FBLN7: variants seen among roughly 807,000 people sequenced by gnomAD.
FBLN7 encodes fibulin 7.
In FBLN7, 31 loss-of-function variants were observed where a neutral mutation model predicts 44.0. That is an observed-to-expected ratio of 0.70 (90% CI 0.53 to 0.95). The LOEUF (loss-of-function observed/expected upper bound fraction) is 0.95. Ranked by LOEUF, FBLN7 falls within the 40% of genes least tolerant of loss-of-function variation. The pLI is 0.00. For synonymous variants in FBLN7, 262 were observed against 253.4 expected (o/e 1.03, Z -0.32); for missense variants, 573 against 618.5 (o/e 0.93, Z 0.78).
chr2:112,169,969 G>A (rs1408070406), intron 3 of FBLN7, among the ~76,000 whole-genome samples: 1 of 152,202 alleles, frequency 6.6e-6, no homozygotes, highest in South Asian at 2.1e-4. Flanking sequence ...GGCCAGGCGC[G>A]GTGGTTCATG....
chr2:112,198,659 GA>G, the FBLN7 span, among the ~76,000 whole-genome samples: 2 of 151,448 alleles, frequency 1.3e-5, no homozygotes, highest in African/African-American at 2.4e-5. Flanking sequence ...AAGAAAGAAA[GA>G]AAGAAAGAAA....
At chr2:112,175,072 C>A (rs1682669242) in intron 3 of FBLN7, among the ~76,000 whole-genome samples, 2 of 152,160 alleles carry the variant, frequency 1.3e-5, no homozygotes, top group African/African-American at 2.4e-5. Flanking sequence ...AGACCTTTTC[C>A]ACAGAAGTGT....
At chr2:112,181,946 C>G in intron 5 of FBLN7, 70 bp downstream of exon 5, 1 of 1,477,570 alleles carries the variant, frequency 6.8e-7, no homozygotes, top group Non-Finnish European at 8.9e-7. Flanking sequence ...GGGGCTCTCA[C>G]CCACCGCCCT....
chr2:112,184,005 T>C (rs1449251572), intron 6 of FBLN7, among the ~76,000 whole-genome samples: 1 of 152,182 alleles, frequency 6.6e-6, no homozygotes, highest in Admixed American at 6.5e-5. Context: ...CAGATGTCAG[T>C]TGATGTAGAC....
In FBLN7 at chr2:112,175,794, C is replaced by A; in HGVS notation, c.487C>A (p.Pro163Thr). ...EGVNQYRCIC[P>T]PGRTGNRCQH... ...AGTCAACCAGTACAGATGCATTTGT[C>A]CTCCAGGAAGGACTGGGAACCGCTG... Residue 163 changes from proline to threonine, a missense_variant, in exon 4 of 8, where the codon CCT (proline) becomes ACT (threonine). Physicochemically the swap from Pro to Thr is conservative, Grantham distance 38. Coordinates refer to ENST00000331203, the MANE Select transcript of FBLN7 (RefSeq NM_153214.3). The A allele has an allele frequency of 6.2e-7, 1 of 1,614,142 alleles. No homozygotes were observed. Among genetic ancestry groups the A allele is most frequent in the Non-Finnish European group, 8.5e-7 (1 of 1,180,016 alleles).
chr2:112,218,789 T>C, the FBLN7 span, among the ~76,000 whole-genome samples: 1 of 152,178 alleles, frequency 6.6e-6, no homozygotes, highest in Non-Finnish European at 1.5e-5. Context: ...TGAAAAGTTA[T>C]ATGCAGATTT....
intron 2 of FBLN7, 115 bp from the exon 3 acceptor site, chr2:112,164,858 ATGCAGAATGACCAGCACAGTGCACAGCC>A (rs1682060999): frequency 1.2e-6 from 1 of 867,762 alleles, no homozygotes. Flanking sequence ...GAGACGCAGC[ATGCAGAATGACCAGCACAGTGCACAGCC>A]TGCAGCAGGC....
At chr2:112,180,650 G>T (rs2104600424) in intron 4 of FBLN7, among the ~76,000 whole-genome samples, 1 of 152,320 alleles carries the variant, frequency 6.6e-6, no homozygotes, top group East Asian at 1.9e-4. Context: ...GCTGGGCGTG[G>T]TGGCTCACGC....
intron 6 of FBLN7, 137 bp downstream of exon 6, chr2:112,183,065 C>A: frequency 2.6e-6 from 3 of 1,143,806 alleles, no homozygotes; most frequent in Non-Finnish European, 3.6e-6. Flanking sequence ...AGCCACCAAC[C>A]AAAGGGCTTC....
the FBLN7 span, among the ~76,000 whole-genome samples, chr2:112,223,428 GTGT>G: frequency 6.6e-6 from 1 of 151,954 alleles, no homozygotes; most frequent in African/African-American, 2.4e-5. Context: ...AAAGAAATGA[GTGT>G]TGAATTTAGC....
At chr2:112,234,904 A>G in the FBLN7 span, among the ~76,000 whole-genome samples, 1 of 152,226 alleles carries the variant, frequency 6.6e-6, no homozygotes, top group African/African-American at 2.4e-5. Context: ...GTTGGAAATC[A>G]GAGTGAACCA....
intron 2 of FBLN7, 80 bp from the exon 3 acceptor site, chr2:112,164,921 G>T: frequency 6.7e-7 from 1 of 1,494,432 alleles, no homozygotes; most frequent in South Asian, 1.3e-5. Flanking sequence ...ACTTCGAGAT[G>T]GGAAGTCCTG....
intron 1 of FBLN7, 107 bp downstream of exon 1, chr2:112,138,837 C>G (rs1484005157): frequency 3.4e-6 from 1 of 296,962 alleles, no homozygotes; most frequent in East Asian, 1.3e-3. Flanking sequence ...GCCTCTCTCC[C>G]CTGTCCCTCC....
At chr2:112,199,863 T>G in the FBLN7 span, among the ~76,000 whole-genome samples, 2 of 152,324 alleles carry the variant, frequency 1.3e-5, no homozygotes, top group South Asian at 4.1e-4. Context: ...GCGAGCTCTC[T>G]CTGGCTCTCC....
Position 112,160,786 on chromosome 2 carries a change from G to GCACA in FBLN7, c.235+953_235+956dup, listed in dbSNP as rs1196600568. The stretch of plus-strand genomic sequence containing the variant: ...CACGCACACGCAGACGCACACGCAC[G>GCACA]CACACGCACACACGCACGCACACAC... On this transcript the variant is annotated intron_variant, in intron 2 of 7. Transcript: ENST00000331203. 1.7e-3 allele frequency among the ~76,000 whole-genome samples: 167 copies of GCACA among 100,730 alleles called. 1 individual carries two copies. Among genetic ancestry groups the GCACA allele is most frequent in the African/African-American group, 6.1e-3 (143 of 23,494 alleles). 66.1% of individuals were successfully genotyped at this position (100,730 alleles called of 152,430 possible). A position where few individuals can be genotyped will look rare whatever the true frequency, so the allele number is the denominator to read the frequency against.
chr2:112,151,335 C>G (rs144672004), intron 1 of FBLN7: 1,662 of 152,282 alleles, frequency 0.011, 18 homozygotes, highest in Middle Eastern at 0.017. Context: ...TTTTCCTACT[C>G]TCTCTAGGGG....
chr2:112,175,015 G>GAA (rs34017636), intron 3 of FBLN7, among the ~76,000 whole-genome samples: 3 of 152,032 alleles, frequency 2.0e-5, no homozygotes, highest in African/African-American at 4.8e-5. Context: ...ACCACTCAGA[G>GAA]AAAAAAAGTC....
At position 112,161,324 on chromosome 2, in the gene FBLN7, G is replaced by A. The variant is rs112882919; in HGVS notation, c.235+1489G>A. 1.5e-4 allele frequency among the ~76,000 whole-genome samples: 23 copies of A among 152,312 alleles called. 1 individual carries two copies. Among genetic ancestry groups the A allele is most frequent in the Admixed American group, 4.6e-4 (7 of 15,310 alleles). On this transcript the variant is annotated intron_variant, in intron 2 of 7. Transcript: ENST00000331203. The stretch of plus-strand genomic sequence containing the variant: ...AGGCGTTGGATTTCCTACCTTCTCG[G>A]AGATGATGGTGGCAAATCCAGCTCT...
At chr2:112,236,500 T>C in the FBLN7 span, 1 of 1,581,872 alleles carries the variant, frequency 6.3e-7, no homozygotes, top group Non-Finnish European at 8.6e-7. Flanking sequence ...GTCACTGAAG[T>C]ATAAGATCAA....
Sources: gnomAD v4.1 joint callset for allele counts (sites outside exome capture counted in the v4.1 genomes callset) on GRCh38, gnomAD v4.1.1 for gene constraint, MANE v1.5 for transcripts, NCBI Gene and HGNC (gene_info 2026-07-23, HGNC 2026-07-21) for gene names.